Variants in MBP observed in about 807,000 individuals in gnomAD.
MBP encodes the protein myelin basic protein.
Under a neutral mutation model 35.8 loss-of-function variants are expected in MBP, and 16 were observed. The observed-to-expected ratio is 0.45, with a 90% confidence interval of 0.30 to 0.68. The LOEUF is 0.68. Ranked by LOEUF, MBP falls within the 30% of genes least tolerant of loss-of-function variation. The pLI is 0.08. For missense variants in MBP, 380 were observed against 404.7 expected, an observed-to-expected ratio of 0.94 and a Z score of 0.52; for synonymous variants, 143 against 159.6, an observed-to-expected ratio of 0.90 and a Z score of 0.78.
At position 77,086,982 on chromosome 18, in the gene MBP, T is replaced by C. The variant is rs1485962835; in HGVS notation, c.51+18229A>G. ...AAAGACTAAAATTGCCACGGAAGAA[T>C]AGGCGATCCACCAAATGTTACATTC... On this transcript the variant is annotated intron_variant, in intron 2 of 8. Coordinates refer to ENST00000355994, the MANE Select transcript of MBP (RefSeq NM_001025101.2). Among the ~76,000 whole-genome samples, 4 of 152,134 alleles carry C rather than the reference T, an allele frequency of 2.6e-5. No homozygotes were observed. The East Asian group carries it at 7.7e-4, about 29-fold the overall frequency.
chr18:77,049,732 G>A (rs1328975487), intron 3 of MBP, among the ~76,000 whole-genome samples: 1 of 152,028 alleles, frequency 6.6e-6, no homozygotes, highest in African/African-American at 2.4e-5. Flanking sequence ...CCAGGATGGA[G>A]TGTGTGGTGC....
chr18:77,016,416 C>G, intron 4 of MBP: 2 of 1,014,830 alleles, frequency 2.0e-6, no homozygotes, highest in Non-Finnish European at 2.4e-6. Context: ...GCACTGACTC[C>G]AGGAAAAAAC....
chr18:77,020,044 T>C lies in MBP; in HGVS notation c.140-2776A>G, dbSNP rs920898336. On this transcript the variant is annotated intron_variant, in intron 3 of 8. Transcript: ENST00000355994. This position sits in a 1 kb window ranked among gnomAD's most constrained non-coding sequence, Gnocchi z 4.1. ...GTGGAAAGGGCAGAGCAGGCAGCTA[T>C]GTGGCGAGAAGACAGGGCTTGGTTT... Among the ~76,000 whole-genome samples, 2 of 151,974 alleles carry C rather than the reference T, an allele frequency of 1.3e-5. No individual in the cohort carries two copies. The highest frequency in any genetic ancestry group is 6.6e-5 in the Admixed American group (1 of 15,254).
At chr18:77,037,944 C>T (rs913049918) in intron 3 of MBP, among the ~76,000 whole-genome samples, 1 of 152,210 alleles carries the variant, frequency 6.6e-6, no homozygotes, top group Non-Finnish European at 1.5e-5. Context: ...CAGGTTATTT[C>T]CATGCAAATG....
intron 2 of MBP, among the ~76,000 whole-genome samples, chr18:77,098,044 C>T (rs1398296376): frequency 6.6e-6 from 1 of 152,128 alleles, no homozygotes; most frequent in Non-Finnish European, 1.5e-5. Context: ...GGCTCTACAG[C>T]CCCAGGGAGT....
chr18:77,039,318 T>A (rs986336052), intron 3 of MBP, among the ~76,000 whole-genome samples: 3 of 152,180 alleles, frequency 2.0e-5, no homozygotes, highest in African/African-American at 7.2e-5. Flanking sequence ...GCTGCCCTGA[T>A]GGGATAGAGT....
chr18:77,133,030 C>G (rs527513574), upstream of MBP, among the ~76,000 whole-genome samples: 199 of 152,204 alleles, frequency 1.3e-3, no homozygotes, highest in African/African-American at 4.6e-3. Flanking sequence ...CGCCCGCTGC[C>G]GAACTGGGCT....
At chr18:76,984,143 A>G (rs946131591) in intron 8 of MBP, 2 of 152,996 alleles carry the variant, frequency 1.3e-5, no homozygotes, top group African/African-American at 4.8e-5. Flanking sequence ...GTGACTGCTT[A>G]TCTAAGGAAT....
chr18:77,086,989 T>G (rs1014328027), intron 2 of MBP, among the ~76,000 whole-genome samples: 10 of 152,182 alleles, frequency 6.6e-5, no homozygotes, highest in Non-Finnish European at 1.0e-4. Flanking sequence ...GAATAGGCGA[T>G]CCACCAAATG....
At position 77,101,693 on chromosome 18, in the gene MBP, C is replaced by T. The variant is rs1395972960; in HGVS notation, c.51+3518G>A. On this transcript the variant is annotated intron_variant, in intron 2 of 8. Coordinates refer to ENST00000355994, the MANE Select transcript of MBP (RefSeq NM_001025101.2). This position sits in a 1 kb window ranked among gnomAD's most constrained non-coding sequence, Gnocchi z 4.3. ...CCAATCAGAGACATTCCACAGTTAA[C>T]CCTTTAGTTAGTTTCTCTTCCTCTT... Among the ~76,000 whole-genome samples, 5 of 152,166 alleles carry T rather than the reference C, an allele frequency of 3.3e-5. No homozygotes were observed. Among genetic ancestry groups the T allele is most frequent in the South Asian group, 2.1e-4 (1 of 4,828 alleles).
chr18:77,071,961 A>T (rs1175178606), intron 2 of MBP, among the ~76,000 whole-genome samples: 2 of 152,216 alleles, frequency 1.3e-5, no homozygotes, highest in Non-Finnish European at 2.9e-5. Context: ...TAGGATGTTT[A>T]ACAAGAGAAG....
intron 3 of MBP, among the ~76,000 whole-genome samples, chr18:77,027,876 A>T (rs575532887): frequency 6.6e-6 from 1 of 152,106 alleles, no homozygotes; most frequent in Non-Finnish European, 1.5e-5. Flanking sequence ...TTTTGTAAAG[A>T]CAAGGTCTTG....
At chr18:77,088,788 C>T (rs896877798) in intron 2 of MBP, among the ~76,000 whole-genome samples, 7 of 152,176 alleles carry the variant, frequency 4.6e-5, no homozygotes, top group Admixed American at 6.5e-5. Context: ...TGTCCCTTTT[C>T]CCCCAAAAAT....
At chr18:77,016,779 T>G in intron 4 of MBP, 53 bp downstream of exon 4, 2 of 1,595,060 alleles carry the variant, frequency 1.3e-6, no homozygotes, top group Non-Finnish European at 8.5e-7. Flanking sequence ...CCTACTGATT[T>G]CTCCTTTGCT....
At chr18:77,078,751 T>C (rs764586908) in intron 2 of MBP, among the ~76,000 whole-genome samples, 12 of 152,356 alleles carry the variant, frequency 7.9e-5, no homozygotes, top group Non-Finnish European at 1.5e-4. Flanking sequence ...TGCCCTGTGC[T>C]GGGGCTCTGC....
chr18:77,112,057 GCAAT>G (rs1020630937), intron 1 of MBP, among the ~76,000 whole-genome samples: 3 of 151,916 alleles, frequency 2.0e-5, no homozygotes, highest in African/African-American at 7.3e-5. Context: ...TGTTCTGCAA[GCAAT>G]CATTTTTATT....
chr18:77,075,244 T>G (rs1803052458), intron 2 of MBP, among the ~76,000 whole-genome samples: 1 of 152,260 alleles, frequency 6.6e-6, no homozygotes, highest in African/African-American at 2.4e-5. Flanking sequence ...GGTGCATTTA[T>G]TAATTACCTT....
chr18:76,989,810 A>AG lies in MBP; in HGVS notation c.681+145dup, dbSNP rs34009398. 1 of 664,338 alleles carries AG rather than the reference A, an allele frequency of 1.5e-6. No homozygotes were observed. The highest frequency in any genetic ancestry group is 1.8e-5 in the African/African-American group (1 of 55,678). 41.2% of individuals were successfully genotyped at this position (664,338 alleles called of 1,614,324 possible). On this transcript the variant is annotated intron_variant, in intron 5 of 8. Coordinates refer to ENST00000355994, the MANE Select transcript of MBP (RefSeq NM_001025101.2). This position sits in a 1 kb window ranked among gnomAD's most constrained non-coding sequence, Gnocchi z 4.0. The stretch of plus-strand genomic sequence containing the variant: ...TGCCTGGAACTCGCGATCAGGTGCG[A>AG]GGGGGGAGTTCCCCGGCCGGCCTCA...
chr18:77,083,095 C>G (rs1396132688), intron 2 of MBP, among the ~76,000 whole-genome samples: 1 of 152,052 alleles, frequency 6.6e-6, no homozygotes, highest in South Asian at 2.1e-4. Flanking sequence ...TGCCTCAGCC[C>G]CCCGAGTAGC....
Sources: gnomAD v4.1 joint callset for allele counts (sites outside exome capture counted in the v4.1 genomes callset) on GRCh38, gnomAD v4.1.1 for gene constraint, Gnocchi (gnomAD v3.1) non-coding constraint, MANE v1.5 for transcripts, NCBI Gene and HGNC (gene_info 2026-07-23, HGNC 2026-07-21) for gene names.